Variants in RBP3 observed in about 807,000 individuals in gnomAD.
RBP3 encodes retinol binding protein 3, also known as retinol-binding protein 3.
Under a neutral mutation model 64.8 loss-of-function variants are expected in RBP3, and 50 were observed. The ratio of observed to expected loss-of-function variants is 0.77; its 90% CI spans 0.61 to 0.98. The LOEUF (loss-of-function observed/expected upper bound fraction) is 0.98. Among genes scored for constraint, RBP3 ranks in the 50% least tolerant of loss-of-function variants. The pLI is 0.00. For missense variants in RBP3, 1,712 were observed against 1,660.5 expected, an observed-to-expected ratio of 1.03 and a Z score of -0.54; for synonymous variants, 828 against 730.2, an observed-to-expected ratio of 1.13 and a Z score of -2.16.
chr10:47,349,262 G>C lies in RBP3; in HGVS notation c.778G>C (p.Gly260Arg), dbSNP rs199687745. 6.1e-5 allele frequency: 99 copies of C among 1,613,008 alleles called. No homozygotes were observed. Among genetic ancestry groups the C allele is most frequent in the Middle Eastern group, 1.6e-4 (1 of 6,084 alleles). The change falls in exon 1 of 4, where the codon GGG becomes CGG. Residue 260 changes from glycine to arginine, a missense_variant. Coordinates refer to ENST00000584701, the MANE Select transcript of RBP3 (RefSeq NM_002900.3). ...RRAIVVGERT[G>R]GGALDLRKLR... ...GGCCATCGTGGTGGGCGAGCGGACTGGGGGAGGGGCCCTGGACCTCCGGAA... is the reference window on the plus strand; with the variant it reads ...GGCCATCGTGGTGGGCGAGCGGACTCGGGGAGGGGCCCTGGACCTCCGGAA...
In RBP3 at chr10:47,348,481, C is replaced by A; in HGVS notation, c.-4C>A. The A allele has an allele frequency of 1.2e-6, 2 of 1,601,208 alleles. No individual in the cohort carries two copies. The highest frequency in any genetic ancestry group is 2.2e-5 in the South Asian group (2 of 91,020). ...GCAGGAGCCAGGCCTCCCCCTGGGTCCCCATGATGAGAGAATGGGTTCTGC... is the reference window on the plus strand; with the variant it reads ...GCAGGAGCCAGGCCTCCCCCTGGGTACCCATGATGAGAGAATGGGTTCTGC... On this transcript the variant is annotated 5_prime_UTR_variant, in exon 1 of 4. Transcript: ENST00000584701.
Position 47,349,867 on chromosome 10 carries a change from G to A in RBP3, c.1383G>A (p.Leu461=). The A allele has an allele frequency of 6.2e-7, 1 of 1,613,176 alleles. No homozygotes were observed. ...TGGGTGTGTTGGCCCCATATGTCCT[G>A]CGCCAGGTGTGGGAGCCGCTACAGG... is the stretch of plus-strand genomic sequence containing the variant. ...SVLGVLAPYV[L]RQVWEPLQDT... Residue 461 remains leucine (L), a synonymous_variant, in exon 1 of 4, where the codon CTG becomes CTA. Transcript: ENST00000584701.
chr10:47,356,724 C>T (rs1555211998), intron 3 of RBP3, among the ~76,000 whole-genome samples: 1 of 152,122 alleles, frequency 6.6e-6, no homozygotes, highest in Non-Finnish European at 1.5e-5. Flanking sequence ...GAGAGTTGTT[C>T]TTATACATCA....
Position 47,355,488 on chromosome 10 carries a change from A to G in RBP3, c.3358A>G (p.Ser1120Gly). ...CTACAGCCGGCCTGATGACTCTGTC[A>G]GTGAACTCTGGACACACGCCCAGGT... Reference protein sequence around the residue: ...KIYSRPDDSVSELWTHAQVVG... With the variant: ...KIYSRPDDSVGELWTHAQVVG... The change falls in exon 3 of 4, where the codon AGT becomes GGT. Residue 1120 changes from serine to glycine, a missense_variant. By Grantham distance (56) the Ser-to-Gly change is moderately conservative (BLOSUM62 0). Coordinates refer to ENST00000584701, the MANE Select transcript of RBP3 (RefSeq NM_002900.3). 1.2e-6 allele frequency: 2 copies of G among 1,614,228 alleles called. No homozygotes were observed. Among genetic ancestry groups the G allele is most frequent in the Non-Finnish European group, 1.7e-6 (2 of 1,180,038 alleles).
chr10:47,349,133 C>T lies in RBP3; in HGVS notation c.649C>T (p.Leu217=). The T allele has an allele frequency of 1.2e-6, 2 of 1,614,004 alleles. No individual in the cohort carries two copies. Among genetic ancestry groups the T allele is most frequent in the Non-Finnish European group, 1.7e-6 (2 of 1,180,042 alleles). ...GGAGATCTGGACCTTGCCCCAGGTC[C>T]TGGGAGAAAGGTACGGTGCCGACAA... ...TTEIWTLPQV[L]GERYGADKDV... The change falls in exon 1 of 4, where the codon CTG becomes TTG. Residue 217 remains leucine, a synonymous_variant. Transcript: ENST00000584701.
rs1371511644 is a variant in RBP3 at position 47,350,664 on chromosome 10, C to T, written c.2180C>T (p.Thr727Ile). ...PPAVPSPEEL[T>I]YLIEALFKTE... Reference sequence around the variant, plus strand: ...GCTGTCCCCTCTCCAGAGGAGCTCACCTACCTTATTGAGGCCCTGTTCAAG... The same window carrying T: ...GCTGTCCCCTCTCCAGAGGAGCTCATCTACCTTATTGAGGCCCTGTTCAAG... The change falls in exon 1 of 4, where the codon ACC becomes ATC. Residue 727 changes from threonine (T) to isoleucine (I), a missense_variant. Transcript: ENST00000584701. 6.2e-7 allele frequency: 1 copy of T among 1,612,962 alleles called. No homozygotes were observed. The highest frequency in any genetic ancestry group is 2.2e-5 in the East Asian group (1 of 44,868).
rs1837054793 is a variant in RBP3 at position 47,356,993 on chromosome 10, C to A, written c.3389-109C>A. The A allele has an allele frequency of 4.0e-6, 4 of 991,068 alleles. No homozygotes were observed. In the South Asian group the frequency reaches 4.2e-5, roughly 10 times the overall value. 61.4% of individuals were successfully genotyped at this position (991,068 alleles called of 1,614,324 possible). A position where few individuals can be genotyped will look rare whatever the true frequency, so the allele number is the denominator to read the frequency against. ...TCACAAGTGGACACAAGGACACAGA[C>A]CTAAACCCCCGGGCCTCCTCCATCA... On this transcript the variant is annotated intron_variant, in intron 3 of 3. Coordinates refer to ENST00000584701, the MANE Select transcript of RBP3 (RefSeq NM_002900.3).
chr10:47,352,986 A>T, intron 1 of RBP3, among the ~76,000 whole-genome samples: 1 of 152,322 alleles, frequency 6.6e-6, no homozygotes, highest in Non-Finnish European at 1.5e-5. Context: ...AACATCTTCC[A>T]ATCCTGCCCC....
chr10:47,349,790 C>A lies in RBP3; in HGVS notation c.1306C>A (p.Pro436Thr). ...VDSVFQVSVL[P>T]GNVGYLRFDS... ...CTCTGTGTTCCAGGTGTCGGTGCTG[C>A]CAGGCAATGTGGGCTACCTGCGCTT... Residue 436 changes from proline to threonine, a missense_variant, in exon 1 of 4, where the codon CCA becomes ACA. Pro to Thr is a conservative substitution (Grantham distance 38). Transcript: ENST00000584701. The A allele has an allele frequency of 6.2e-7, 1 of 1,613,184 alleles. No individual in the cohort carries two copies. The highest frequency in any genetic ancestry group is 8.5e-7 in the Non-Finnish European group (1 of 1,180,010).
In RBP3 at chr10:47,349,385, G is replaced by T. The variant is rs782770053; in HGVS notation, c.901G>T (p.Val301Leu). 1.5e-5 allele frequency: 24 copies of T among 1,611,922 alleles called. No individual in the cohort carries two copies. In the Admixed American group the frequency reaches 3.8e-4, roughly 26 times the overall value. ...CAGCCAGACGTGGGAGGGCAGCGGG[G>T]TGCTGCCCTGTGTGGGGACTCCGGC... The part of the protein sequence containing the change: ...GGSQTWEGSG[V>L]LPCVGTPAEQ... Residue 301 changes from valine to leucine, a missense_variant, in exon 1 of 4, where the codon GTG becomes TTG. By Grantham distance (32) the Val-to-Leu change is conservative. Transcript: ENST00000584701.
At position 47,357,260 on chromosome 10, in the gene RBP3, G is replaced by A. The variant is rs782447533; in HGVS notation, c.3547G>A (p.Val1183Met). ...GGCQPPQTYH[V>M]DDTNLYLTIP... Reference sequence around the variant, plus strand: ...CTGCCAGCCACCACAGACCTACCACGTGGATGACACCAACCTCTACCTCAC... The same window carrying A: ...CTGCCAGCCACCACAGACCTACCACATGGATGACACCAACCTCTACCTCAC... Residue 1183 changes from valine (V) to methionine (M), a missense_variant, in exon 4 of 4, where the codon GTG (valine) becomes ATG (methionine). By Grantham distance (21) the Val-to-Met change is conservative. Transcript: ENST00000584701. 27 of 1,614,014 alleles carry A rather than the reference G, an allele frequency of 1.7e-5. No homozygotes were observed. The highest frequency in any genetic ancestry group is 2.2e-5 in the Non-Finnish European group (26 of 1,180,048).
At chr10:47,353,239 C>T in intron 1 of RBP3, 86 bp from the exon 2 acceptor site, 2 of 1,252,680 alleles carry the variant, frequency 1.6e-6, no homozygotes, top group Non-Finnish European at 2.3e-6. Flanking sequence ...GTCCCATGCC[C>T]TTAATATTTC....
rs548823242 is a variant in RBP3 at position 47,357,433 on chromosome 10, C to T, written c.3720C>T (p.Ser1240=). The change falls in exon 4 of 4, where the codon AGC becomes AGT. Residue 1240 remains serine (S), a synonymous_variant. Coordinates refer to ENST00000584701, the MANE Select transcript of RBP3 (RefSeq NM_002900.3). ...ACAACCAGCTGAGGGTGAAGCGGAG[C>T]CCAGGCCTGCAGGACCACCTGTAGG... The part of the protein sequence containing the change: ...LQHNQLRVKR[S]PGLQDHL The T allele has an allele frequency of 1.2e-6, 2 of 1,612,928 alleles. No individual in the cohort carries two copies. Among genetic ancestry groups the T allele is most frequent in the African/African-American group, 2.7e-5 (2 of 75,018 alleles).
Position 47,348,900 on chromosome 10 carries a change from C to A in RBP3, c.416C>A (p.Pro139Gln). Residue 139 changes from proline to glutamine, a missense_variant, in exon 1 of 4, where the codon CCG becomes CAG. Transcript: ENST00000584701. Reference protein sequence around the residue: ...NVGYLRVDSVPGQEVLSMMGE... With the variant: ...NVGYLRVDSVQGQEVLSMMGE... ...GGCTACCTGCGGGTGGACAGCGTCC[C>A]GGGCCAGGAGGTGCTGAGCATGATG... 1.2e-6 allele frequency: 2 copies of A among 1,613,834 alleles called. No homozygotes were observed. Among genetic ancestry groups the A allele is most frequent in the South Asian group, 1.1e-5 (1 of 91,082 alleles).
chr10:47,352,362 G>A (rs1465235187), intron 1 of RBP3, among the ~76,000 whole-genome samples: 1 of 152,226 alleles, frequency 6.6e-6, no homozygotes, highest in Middle Eastern at 3.2e-3. Flanking sequence ...GGTGGGGCAG[G>A]CTCCCTCTTC....
intron 3 of RBP3, among the ~76,000 whole-genome samples, chr10:47,356,255 G>C (rs141771100): frequency 6.6e-6 from 1 of 152,094 alleles, no homozygotes; most frequent in Admixed American, 6.5e-5. Context: ...TAGGACATAC[G>C]TTCAATAATA....
chr10:47,354,799 T>C (rs1555211876), intron 2 of RBP3, among the ~76,000 whole-genome samples: 1 of 152,036 alleles, frequency 6.6e-6, no homozygotes, highest in African/African-American at 2.4e-5. Flanking sequence ...CTAGCCCCAG[T>C]GGGGAGACAG....
Position 47,348,885 on chromosome 10 carries a change from G to T in RBP3, c.401G>T (p.Arg134Leu), listed in dbSNP as rs538289853. 4.3e-6 allele frequency: 7 copies of T among 1,613,892 alleles called. No individual in the cohort carries two copies. Among genetic ancestry groups the T allele is most frequent in the Non-Finnish European group, 5.9e-6 (7 of 1,180,038 alleles). ...CTGGAGGGTAATGTGGGCTACCTGCGGGTGGACAGCGTCCCGGGCCAGGAG... is the reference window on the plus strand; with the variant it reads ...CTGGAGGGTAATGTGGGCTACCTGCTGGTGGACAGCGTCCCGGGCCAGGAG... Reference protein sequence around the residue: ...EVLEGNVGYLRVDSVPGQEVL... With the variant: ...EVLEGNVGYLLVDSVPGQEVL... Residue 134 changes from arginine (R) to leucine (L), a missense_variant, in exon 1 of 4, where the codon CGG becomes CTG. Transcript: ENST00000584701.
chr10:47,357,319 T>G lies in RBP3; in HGVS notation c.3606T>G (p.Asp1202Glu), dbSNP rs1837062062. ...IPTARSVGAS[D>E]GSSWEGVGVT... is the part of the protein sequence containing the mutation. Reference sequence around the variant, plus strand: ...CGGCCCGTTCTGTGGGGGCCTCGGATGGCAGCTCCTGGGAAGGGGTGGGGG... The same window carrying G: ...CGGCCCGTTCTGTGGGGGCCTCGGAGGGCAGCTCCTGGGAAGGGGTGGGGG... The change falls in exon 4 of 4, where the codon GAT becomes GAG. Residue 1202 changes from aspartate (D) to glutamate (E), a missense_variant. Coordinates refer to ENST00000584701, the MANE Select transcript of RBP3 (RefSeq NM_002900.3). 1 of 1,614,014 alleles carries G rather than the reference T, an allele frequency of 6.2e-7. No homozygotes were observed. Among genetic ancestry groups the G allele is most frequent in the African/African-American group, 1.3e-5 (1 of 74,926 alleles).
Sources: allele counts gnomAD v4.1 joint callset (sites outside exome capture counted in the v4.1 genomes callset), GRCh38; gene constraint gnomAD v4.1.1; transcripts MANE v1.5; gene names NCBI Gene and HGNC (gene_info 2026-07-23, HGNC 2026-07-21).